SHROOM3: variants seen among roughly 807,000 people sequenced by gnomAD.
SHROOM3 encodes the protein shroom family member 3.
Under a neutral mutation model 138.6 loss-of-function variants are expected in SHROOM3, and 47 were observed. The observed-to-expected ratio is 0.34, with a 90% CI of 0.27 to 0.43. The LOEUF (loss-of-function observed/expected upper bound fraction) is 0.43, where lower values mean the gene tolerates loss of function less well. SHROOM3 is among the 20% of genes least tolerant of loss of function. SHROOM3 has a pLI of 1.00. For missense variants in SHROOM3, 2,491 were observed against 2,596.5 expected, an observed-to-expected ratio of 0.96 and a Z score of 0.88; for synonymous variants, 1,062 against 1,063.3, an observed-to-expected ratio of 1.00 and a Z score of 0.02.
At chr4:76,693,372 T>TTTTTTTTTG (rs1719616863) in intron 2 of SHROOM3, among the ~76,000 whole-genome samples, 1 of 116,772 alleles carries the variant, frequency 8.6e-6, no homozygotes, top group African/African-American at 3.8e-5. Context: ...ATAAGTTTGT[T>TTTTTTTTTG]TTTTTTTTTT....
At chr4:76,470,716 G>C (rs1731351775) in intron 1 of SHROOM3, among the ~76,000 whole-genome samples, 1 of 152,160 alleles carries the variant, frequency 6.6e-6, no homozygotes, top group Non-Finnish European at 1.5e-5. Context: ...CTTAACGAAT[G>C]AGGCTGAAAA....
chr4:76,577,911 C>T (rs1202426507), intron 2 of SHROOM3, among the ~76,000 whole-genome samples: 2 of 152,204 alleles, frequency 1.3e-5, no homozygotes, highest in African/African-American at 4.8e-5. Context: ...TAGATAATAT[C>T]TATGTTAATA....
chr4:76,629,326 G>C (rs1335139786), intron 2 of SHROOM3, among the ~76,000 whole-genome samples: 2 of 152,242 alleles, frequency 1.3e-5, no homozygotes, highest in Non-Finnish European at 2.9e-5. Context: ...GGCTGGGGCA[G>C]AGTGAGTGAG....
chr4:76,777,669 G>A (rs1328970629), intron 10 of SHROOM3, among the ~76,000 whole-genome samples: 1 of 152,122 alleles, frequency 6.6e-6, no homozygotes, highest in Non-Finnish European at 1.5e-5. Context: ...CCCTTGTCTT[G>A]TTCCAGTTCT....
intron 1 of SHROOM3, among the ~76,000 whole-genome samples, chr4:76,528,455 G>A (rs1478948611): frequency 1.3e-5 from 2 of 150,428 alleles, no homozygotes; most frequent in African/African-American, 2.4e-5. Flanking sequence ...AGTAGCTTGG[G>A]ACTATAGGCT....
chr4:76,511,473 TCACCACTCAACAA>T (rs1429563320), intron 1 of SHROOM3, among the ~76,000 whole-genome samples: 1 of 152,166 alleles, frequency 6.6e-6, no homozygotes, highest in African/African-American at 2.4e-5. Context: ...TCCACTGAAG[TCACCACTCAACAA>T]CACCTCTGCC....
At chr4:76,698,322 A>T (rs1719806222) in intron 2 of SHROOM3, among the ~76,000 whole-genome samples, 1 of 152,234 alleles carries the variant, frequency 6.6e-6, no homozygotes, top group South Asian at 2.1e-4. Flanking sequence ...CCTCTTGGGC[A>T]AAGTAAGGAT....
chr4:76,441,086 G>GTTTTGTTT (rs1553913336), intron 1 of SHROOM3, among the ~76,000 whole-genome samples: 1 of 82,182 alleles, frequency 1.2e-5, no homozygotes, highest in African/African-American at 4.7e-5. Context: ...AGTTCAATTT[G>GTTTTGTTT]TTTTTTTTTT....
At chr4:76,772,655 A>T (rs1237807026) in intron 10 of SHROOM3, among the ~76,000 whole-genome samples, 1 of 152,160 alleles carries the variant, frequency 6.6e-6, no homozygotes, top group Non-Finnish European at 1.5e-5. Context: ...CTAACTCAGA[A>T]GTGTGTCCTG....
chr4:76,756,418 T>TCTCTA, intron 7 of SHROOM3, 31 bp from the exon 8 acceptor site: 1 of 465,346 alleles, frequency 2.1e-6, no homozygotes, highest in East Asian at 1.2e-4. Context: ...TCTCTCTCTC[T>TCTCTA]TTTTTTTTTT....
At chr4:76,724,510 C>T (rs1720643331) in intron 3 of SHROOM3, among the ~76,000 whole-genome samples, 1 of 151,830 alleles carries the variant, frequency 6.6e-6, no homozygotes, top group Non-Finnish European at 1.5e-5. Context: ...AAATACTTTG[C>T]TTTTCAATAG....
chr4:76,435,907 T>C lies in SHROOM3; in HGVS notation c.-146T>C. The C allele has an allele frequency of 1.4e-6, 1 of 717,074 alleles. No individual in the cohort carries two copies. Among genetic ancestry groups the C allele is most frequent in the Non-Finnish European group, 2.3e-6 (1 of 438,940 alleles). 44.4% of individuals were successfully genotyped at this position (717,074 alleles called of 1,614,324 possible). Reference sequence around the variant, plus strand: ...TTGGAGTTCAGCTTGGAAGAACATTTTACGTATGGAAGAATTTGCTTCTCC... The same window carrying C: ...TTGGAGTTCAGCTTGGAAGAACATTCTACGTATGGAAGAATTTGCTTCTCC... On this transcript the variant is annotated 5_prime_UTR_variant, in exon 1 of 11. Coordinates refer to ENST00000296043, the MANE Select transcript of SHROOM3 (RefSeq NM_020859.4).
chr4:76,612,340 A>C lies in SHROOM3; in HGVS notation c.323+56577A>C, dbSNP rs1221609304. 2.0e-5 allele frequency among the ~76,000 whole-genome samples: 3 copies of C among 152,340 alleles called. No homozygotes were observed. In the East Asian group the frequency reaches 5.8e-4, roughly 29 times the overall value. ...AGCCAAAAAAGATATAAGTGGAAGC[A>C]GTACTCATGATATAGAAATACTTAA... On this transcript the variant is annotated intron_variant, in intron 2 of 10. Transcript: ENST00000296043.
At chr4:76,667,413 G>A (rs1369682693) in intron 2 of SHROOM3, among the ~76,000 whole-genome samples, 1 of 151,946 alleles carries the variant, frequency 6.6e-6, no homozygotes, top group Non-Finnish European at 1.5e-5. Context: ...CAATCTCCAG[G>A]GCTCAGGCGA....
intron 1 of SHROOM3, among the ~76,000 whole-genome samples, chr4:76,500,564 T>A (rs376095208): frequency 1.3e-5 from 2 of 152,172 alleles, no homozygotes; most frequent in Non-Finnish European, 2.9e-5. Context: ...CCATTTTTTT[T>A]CCTACTAGCA....
intron 1 of SHROOM3, among the ~76,000 whole-genome samples, chr4:76,525,657 A>G (rs1231693135): frequency 1.3e-5 from 2 of 152,146 alleles, no homozygotes; most frequent in Non-Finnish European, 2.9e-5. Flanking sequence ...TTTTCAAATT[A>G]GATTGTTTTT....
chr4:76,500,059 T>C (rs1049339106), intron 1 of SHROOM3, among the ~76,000 whole-genome samples: 1 of 152,240 alleles, frequency 6.6e-6, no homozygotes, highest in Non-Finnish European at 1.5e-5. Flanking sequence ...GCCTCACAGC[T>C]GGTAAGCAGT....
At chr4:76,498,826 A>C (rs750606312) in intron 1 of SHROOM3, among the ~76,000 whole-genome samples, 15 of 152,156 alleles carry the variant, frequency 9.9e-5, no homozygotes, top group Non-Finnish European at 2.2e-4. Context: ...GCAAACACAA[A>C]TTACACTCTT....
At chr4:76,626,971 A>G (rs2110069960) in intron 2 of SHROOM3, among the ~76,000 whole-genome samples, 1 of 152,318 alleles carries the variant, frequency 6.6e-6, no homozygotes, top group East Asian at 1.9e-4. Context: ...GACAGCATTG[A>G]CAGAACTTTA....
Sources: allele counts gnomAD v4.1 joint callset (sites outside exome capture counted in the v4.1 genomes callset), GRCh38; gene constraint gnomAD v4.1.1; transcripts MANE v1.5; gene names NCBI Gene and HGNC (gene_info 2026-07-23, HGNC 2026-07-21).